The following ADAMTSL1 variants were observed in gnomAD, a reference collection of about 807,000 sequenced individuals.
The protein encoded by ADAMTSL1 is ADAMTS-like protein 1.
ADAMTSL1 carries 126 observed loss-of-function variants against 201.8 expected under a neutral mutation model. That is an observed-to-expected ratio of 0.62 (90% CI 0.54 to 0.72). ADAMTSL1 has a LOEUF of 0.72. Among genes scored for constraint, ADAMTSL1 ranks in the 30% least tolerant of loss-of-function variants. The pLI is 0.00. For synonymous variants in ADAMTSL1, 1,121 were observed against 903.4 expected (o/e 1.24, Z -4.32); for missense variants, 2,679 against 2,277.8 (o/e 1.18, Z -3.59).
At chr9:18,425,593 T>C (rs1819175208) in intron 2 of ADAMTSL1, among the ~76,000 whole-genome samples, 2 of 152,088 alleles carry the variant, frequency 1.3e-5, no homozygotes, top group South Asian at 4.1e-4. Flanking sequence ...CTTGCATCTG[T>C]AATCCCAGCT....
intron 23 of ADAMTSL1, among the ~76,000 whole-genome samples, chr9:18,832,030 G>C (rs1422056408): frequency 1.3e-5 from 2 of 152,184 alleles, no homozygotes; most frequent in Admixed American, 1.3e-4. Context: ...TGCAAGATAT[G>C]TATCAGATGT....
In ADAMTSL1 at chr9:17,910,089, G is replaced by C. The variant is rs1411151737; in HGVS notation, c.87+3167G>C. 5.9e-5 allele frequency among the ~76,000 whole-genome samples: 4 copies of C among 67,282 alleles called. 2 individuals carry two copies. The Admixed American group carries it at 7.2e-4, about 12-fold the overall frequency. The allele number at this position is 67,282 out of a possible 152,430, so 44.1% of individuals were successfully genotyped here. Reference sequence around the variant, plus strand: ...GTCTTGACATGTAGCTTCCAGTCCCGGCGCTGTCCCTAAGCGCGGTATCAT... The same window carrying C: ...GTCTTGACATGTAGCTTCCAGTCCCCGCGCTGTCCCTAAGCGCGGTATCAT... On this transcript the variant is annotated intron_variant, in intron 1 of 29. Coordinates refer to the ADAMTSL1 transcript ENST00000680146.
chr9:17,949,891 C>T (rs781250122), intron 1 of ADAMTSL1, among the ~76,000 whole-genome samples: 2 of 152,040 alleles, frequency 1.3e-5, no homozygotes, highest in African/African-American at 2.4e-5. Flanking sequence ...AAAGCAGGCT[C>T]CACCTCAAAT....
At chr9:18,900,262 T>C (rs900937911) in intron 26 of ADAMTSL1, among the ~76,000 whole-genome samples, 1 of 152,128 alleles carries the variant, frequency 6.6e-6, no homozygotes, top group Admixed American at 6.5e-5. Flanking sequence ...ATGGCGATTA[T>C]GAAAAAGTCA....
At chr9:18,104,206 CCA>C (rs1824654224) in intron 1 of ADAMTSL1, among the ~76,000 whole-genome samples, 1 of 152,082 alleles carries the variant, frequency 6.6e-6, no homozygotes, top group South Asian at 2.1e-4. Flanking sequence ...ACAGTATCTC[CCA>C]GTTTCCAGAC....
intron 1 of ADAMTSL1, among the ~76,000 whole-genome samples, chr9:18,147,931 G>A (rs1386570851): frequency 1.3e-5 from 2 of 152,068 alleles, no homozygotes; most frequent in Non-Finnish European, 2.9e-5. Flanking sequence ...TGGCATTTTA[G>A]GAAGTTTTTA....
chr9:18,174,508 G>A lies in ADAMTSL1; in HGVS notation c.207+10527G>A, dbSNP rs560056640. On this transcript the variant is annotated intron_variant, in intron 2 of 29. Coordinates refer to the ADAMTSL1 transcript ENST00000680146. ...ATATGTGATACCTAAATTTAAGAAA[G>A]TATGAGAGGATACTTCAGGCTGTGA... 5.9e-5 allele frequency among the ~76,000 whole-genome samples: 9 copies of A among 152,264 alleles called. No homozygotes were observed. In the South Asian group the frequency reaches 1.5e-3, roughly 25 times the overall value.
chr9:18,788,151 C>T (rs1437795636), intron 19 of ADAMTSL1, among the ~76,000 whole-genome samples: 1 of 152,156 alleles, frequency 6.6e-6, no homozygotes, highest in East Asian at 1.9e-4. Context: ...TGATATGAAA[C>T]TCTTCATGAA....
intron 23 of ADAMTSL1, among the ~76,000 whole-genome samples, chr9:18,872,360 G>T (rs535193829): frequency 1.3e-5 from 2 of 152,152 alleles, no homozygotes; most frequent in African/African-American, 2.4e-5. Context: ...AGTAGGTTTG[G>T]GGGGAACAGG....
chr9:18,096,087 C>T (rs898833339), intron 1 of ADAMTSL1, among the ~76,000 whole-genome samples: 1 of 152,116 alleles, frequency 6.6e-6, no homozygotes, highest in Non-Finnish European at 1.5e-5. Flanking sequence ...CTTTCTTATC[C>T]TTTATTATAC....
At chr9:18,418,848 A>G (rs527264098) in intron 2 of ADAMTSL1, among the ~76,000 whole-genome samples, 4 of 152,236 alleles carry the variant, frequency 2.6e-5, no homozygotes, top group Non-Finnish European at 4.4e-5. Flanking sequence ...TGATTCTACA[A>G]TGTATGTGAA....
chr9:18,710,666 G>GTTTTTT (rs1425680179), intron 14 of ADAMTSL1, among the ~76,000 whole-genome samples: 3 of 92,614 alleles, frequency 3.2e-5, no homozygotes, highest in Non-Finnish European at 4.4e-5. Context: ...CCTAAGTTTT[G>GTTTTTT]TTTTGTTTTT....
intron 15 of ADAMTSL1, among the ~76,000 whole-genome samples, chr9:18,730,440 G>A (rs946589751): frequency 3.9e-5 from 6 of 152,236 alleles, no homozygotes; most frequent in Admixed American, 2.6e-4. Context: ...TTCCTGTCAT[G>A]GCGCCAGCCA....
At chr9:18,389,806 A>G (rs1837968607) in intron 2 of ADAMTSL1, among the ~76,000 whole-genome samples, 1 of 152,234 alleles carries the variant, frequency 6.6e-6, no homozygotes, top group African/African-American at 2.4e-5. Context: ...AACAATTGAA[A>G]TTACAATCTT....
intron 4 of ADAMTSL1, among the ~76,000 whole-genome samples, chr9:18,591,694 A>G (rs537229513): frequency 2.0e-5 from 3 of 152,290 alleles, no homozygotes; most frequent in Admixed American, 6.5e-5. Flanking sequence ...AAATCACTGT[A>G]ACTAGGCTCA....
At chr9:18,164,481 C>G (rs961391982) in intron 2 of ADAMTSL1, among the ~76,000 whole-genome samples, 1 of 151,730 alleles carries the variant, frequency 6.6e-6, no homozygotes, top group Non-Finnish European at 1.5e-5. Context: ...AGAAAATGAG[C>G]TCTCAAATGA....
intron 2 of ADAMTSL1, among the ~76,000 whole-genome samples, chr9:18,194,746 C>A (rs1829106643): frequency 6.6e-6 from 1 of 152,064 alleles, no homozygotes; most frequent in South Asian, 2.1e-4. Flanking sequence ...AGAAGCAGTG[C>A]TCCCCTGTCC....
At chr9:17,909,230 C>G (rs1825839014) in intron 1 of ADAMTSL1, among the ~76,000 whole-genome samples, 1 of 147,208 alleles carries the variant, frequency 6.8e-6, no homozygotes, top group African/African-American at 2.4e-5. Flanking sequence ...AGCCCTTTGT[C>G]AGATGAGTAG....
intron 23 of ADAMTSL1, among the ~76,000 whole-genome samples, chr9:18,878,476 A>C (rs1828312470): frequency 6.6e-6 from 1 of 152,192 alleles, no homozygotes; most frequent in East Asian, 1.9e-4. Context: ...TCCCACTACT[A>C]CATCTACCCC....
Sources: gnomAD v4.1 joint callset for allele counts (sites outside exome capture counted in the v4.1 genomes callset) on GRCh38, gnomAD v4.1.1 for gene constraint, MANE v1.5 for transcripts, NCBI Gene and HGNC (gene_info 2026-07-23, HGNC 2026-07-21) for gene names.